Variants in WDR72 observed in about 807,000 individuals in gnomAD.
WDR72 encodes the protein WD repeat-containing protein 72.
In WDR72, 120 loss-of-function variants were observed where a neutral mutation model predicts 124.2. The observed-to-expected ratio is 0.97, with a 90% CI of 0.83 to 1.12. The LOEUF (loss-of-function observed/expected upper bound fraction) is 1.12. Ranked by LOEUF, WDR72 falls within the 50% of genes most tolerant of loss-of-function variation. The pLI, the probability that WDR72 is intolerant of heterozygous loss-of-function variation, is 0.00. For synonymous variants in WDR72, 452 were observed against 441.7 expected, an observed-to-expected ratio of 1.02 and a Z score of -0.29; for missense variants, 1,387 against 1,278.8, an observed-to-expected ratio of 1.08 and a Z score of -1.29.
intron 18 of WDR72, among the ~76,000 whole-genome samples, chr15:53,535,370 G>A (rs184993369): frequency 1.3e-5 from 2 of 152,200 alleles, no homozygotes; most frequent in Admixed American, 6.5e-5. Context: ...GCTGGGTATC[G>A]ACAGGGAACC....
At chr15:53,616,305 G>A in intron 14 of WDR72, 62 bp from the exon 15 acceptor site, 5 of 1,417,530 alleles carry the variant, frequency 3.5e-6, no homozygotes, top group Non-Finnish European at 3.9e-6. Flanking sequence ...AAGATTCCAT[G>A]ATGTTAAAGT....
chr15:53,620,089 C>T (rs2013929332), intron 14 of WDR72, among the ~76,000 whole-genome samples: 3 of 152,054 alleles, frequency 2.0e-5, no homozygotes, highest in South Asian at 4.1e-4. Context: ...TAAAATGTTA[C>T]AAACTCTTTA....
chr15:53,696,657 T>G (rs2017012435), intron 13 of WDR72, among the ~76,000 whole-genome samples: 1 of 152,158 alleles, frequency 6.6e-6, no homozygotes. Context: ...CCATTCAACC[T>G]TTGTAAGTAA....
intron 9 of WDR72, among the ~76,000 whole-genome samples, chr15:53,706,369 T>TACATACATATATATATATATATATAC (rs59759547): frequency 2.0e-5 from 1 of 51,020 alleles, no homozygotes; most frequent in African/African-American, 7.3e-5. Context: ...TATATATATA[T>TACATACATATATATATATATATATAC]ATATATATAT....
At chr15:53,619,912 C>CTAT (rs2013922207) in intron 14 of WDR72, among the ~76,000 whole-genome samples, 2 of 152,018 alleles carry the variant, frequency 1.3e-5, no homozygotes, top group Admixed American at 1.3e-4. Context: ...GATGTTCAGA[C>CTAT]TATTAGCCAA....
At chr15:53,712,203 G>C (rs2252207) in intron 7 of WDR72, among the ~76,000 whole-genome samples, 10 of 152,206 alleles carry the variant, frequency 6.6e-5, no homozygotes, top group Admixed American at 3.3e-4. Flanking sequence ...ATTAGGATAT[G>C]CTACTACATA....
chr15:53,626,942 C>A (rs1432778878), intron 14 of WDR72, among the ~76,000 whole-genome samples: 1 of 152,212 alleles, frequency 6.6e-6, no homozygotes, highest in Non-Finnish European at 1.5e-5. Context: ...CGTACAGTAA[C>A]ACTTAATATA....
intron 14 of WDR72, among the ~76,000 whole-genome samples, chr15:53,657,606 T>G (rs2015474754): frequency 6.6e-6 from 1 of 152,174 alleles, no homozygotes; most frequent in African/African-American, 2.4e-5. Flanking sequence ...AATCTTAGAT[T>G]TCTATGTCTC....
chr15:53,518,648 C>G (rs565089959), intron 19 of WDR72, among the ~76,000 whole-genome samples: 7 of 151,854 alleles, frequency 4.6e-5, no homozygotes, highest in African/African-American at 7.3e-5. Context: ...CTCACACATT[C>G]CACATTTTTT....
chr15:53,690,908 A>G (rs780559948), intron 13 of WDR72, among the ~76,000 whole-genome samples: 8 of 152,116 alleles, frequency 5.3e-5, no homozygotes, highest in Non-Finnish European at 8.8e-5. Context: ...GTACCATTTT[A>G]TATTCCCACC....
upstream of WDR72, among the ~76,000 whole-genome samples, chr15:53,760,173 C>T (rs1162718061): frequency 2.0e-5 from 3 of 152,012 alleles, no homozygotes; most frequent in African/African-American, 4.8e-5. Flanking sequence ...GTGTTACAAA[C>T]AATCCAATTA....
intron 13 of WDR72, among the ~76,000 whole-genome samples, chr15:53,687,541 A>C: frequency 6.6e-6 from 1 of 151,166 alleles, no homozygotes; most frequent in East Asian, 2.0e-4. Context: ...ATAGACCAAT[A>C]ACAGGATCTG....
intron 1 of WDR72, among the ~76,000 whole-genome samples, chr15:53,742,651 GA>G (rs1002700553): frequency 3.3e-5 from 5 of 149,896 alleles, no homozygotes; most frequent in African/African-American, 1.2e-4. Flanking sequence ...TTTTGGCTAA[GA>G]AAAAAAAATA....
intron 18 of WDR72, among the ~76,000 whole-genome samples, chr15:53,551,990 T>G (rs550417665): frequency 6.6e-6 from 1 of 152,074 alleles, no homozygotes; most frequent in Non-Finnish European, 1.5e-5. Context: ...AAGGGAGGAA[T>G]TGAAGTGACC....
chr15:53,733,306 T>C (rs991354414), intron 1 of WDR72, 145 bp from the exon 2 acceptor site: 12 of 848,648 alleles, frequency 1.4e-5, no homozygotes, highest in Non-Finnish European at 2.1e-5. Flanking sequence ...CCCCGTCAAT[T>C]AGAAGAGAAA....
intron 6 of WDR72, among the ~76,000 whole-genome samples, chr15:53,713,858 G>A (rs2017625655): frequency 1.3e-5 from 2 of 152,148 alleles, no homozygotes; most frequent in Admixed American, 6.5e-5. Context: ...TGCTGGATGT[G>A]TATTTCTTAA....
At chr15:53,658,592 A>G (rs2015508432) in intron 14 of WDR72, among the ~76,000 whole-genome samples, 1 of 152,206 alleles carries the variant, frequency 6.6e-6, no homozygotes, top group Non-Finnish European at 1.5e-5. Flanking sequence ...CGGAAGATAA[A>G]CTGATAAGGA....
chr15:53,623,115 T>G (rs960835952), intron 14 of WDR72, among the ~76,000 whole-genome samples: 1 of 152,230 alleles, frequency 6.6e-6, no homozygotes, highest in African/African-American at 2.4e-5. Context: ...ATACGGGTTT[T>G]GATTTCTTAA....
At chr15:53,564,305 G>A (rs1414939819) in intron 18 of WDR72, among the ~76,000 whole-genome samples, 3 of 151,710 alleles carry the variant, frequency 2.0e-5, no homozygotes, top group African/African-American at 7.3e-5. Flanking sequence ...AACCTGAAAT[G>A]TCAACTGTTT....
Sources: gnomAD v4.1 joint callset for allele counts (sites outside exome capture counted in the v4.1 genomes callset) on GRCh38, gnomAD v4.1.1 for gene constraint, MANE v1.5 for transcripts, NCBI Gene and HGNC (gene_info 2026-07-23, HGNC 2026-07-21) for gene names.